Variants in FAXC observed in about 807,000 individuals in gnomAD.
The protein encoded by FAXC is failed axon connections homolog.
A neutral mutation model predicts 41.9 loss-of-function variants in FAXC; 10 were observed. That is an observed-to-expected ratio of 0.24 (90% CI 0.15 to 0.41). The LOEUF (loss-of-function observed/expected upper bound fraction) is 0.41. Ranked by LOEUF, FAXC falls within the 10% of genes least tolerant of loss-of-function variation. The pLI is 1.00. For synonymous variants in FAXC, 183 were observed against 183.8 expected (o/e 1.00, Z 0.03); for missense variants, 399 against 510.9 (o/e 0.78, Z 2.11).
intron 4 of FAXC, among the ~76,000 whole-genome samples, chr6:99,298,267 C>T (rs906002504): frequency 2.0e-5 from 3 of 150,066 alleles, no homozygotes; most frequent in African/African-American, 7.4e-5. Context: ...GATGAGACCT[C>T]GTTATGTTCC....
At chr6:99,305,324 T>C (rs1016134194) in intron 4 of FAXC, among the ~76,000 whole-genome samples, 2 of 152,092 alleles carry the variant, frequency 1.3e-5, no homozygotes, top group Admixed American at 1.3e-4. Context: ...AGAAAGGAAG[T>C]ACCTAGAGAT....
chr6:99,304,430 T>C (rs889277177), intron 4 of FAXC, among the ~76,000 whole-genome samples: 29 of 152,154 alleles, frequency 1.9e-4, no homozygotes, highest in African/African-American at 5.6e-4. Flanking sequence ...AGAACTTGAG[T>C]GTTTCCTTTT....
Position 99,273,002 on chromosome 6 carries a change from G to T in FAXC, c.*8162C>A, listed in dbSNP as rs1404927181. On this transcript the variant is annotated 3_prime_UTR_variant, in exon 6 of 6. Transcript: ENST00000389677. ...TACAGAATTTCCACATTTATATACA[G>T]TAGTCAACATAGTGCACAATTCAAA... 6.6e-6 allele frequency: 1 copy of T among 152,176 alleles called. No homozygotes were observed. The highest frequency in any genetic ancestry group is 2.4e-5 in the African/African-American group (1 of 41,444). The allele number at this position is 152,176 out of a possible 1,614,324, so 9.4% of individuals were successfully genotyped here. A position where few individuals can be genotyped will look rare whatever the true frequency, so the allele number is the denominator to read the frequency against.
At chr6:99,349,970 C>G (rs1218215816), upstream of FAXC, 2 of 152,246 alleles carry the variant, frequency 1.3e-5, no homozygotes, top group African/African-American at 4.8e-5. Context: ...CGCCTGCGCT[C>G]CAGCCCCTCC....
At chr6:99,302,600 G>A (rs1184447698) in intron 4 of FAXC, among the ~76,000 whole-genome samples, 2 of 152,076 alleles carry the variant, frequency 1.3e-5, no homozygotes, top group Non-Finnish European at 1.5e-5. Context: ...AAGTTGCAGT[G>A]AGCCAAGATC....
chr6:99,324,914 G>T (rs1230824602), intron 3 of FAXC, among the ~76,000 whole-genome samples: 1 of 152,094 alleles, frequency 6.6e-6, no homozygotes, highest in Non-Finnish European at 1.5e-5. Context: ...AGGTGTGGTG[G>T]TACATGCCTG....
At chr6:99,329,494 T>C (rs910059228) in intron 3 of FAXC, among the ~76,000 whole-genome samples, 3 of 152,184 alleles carry the variant, frequency 2.0e-5, no homozygotes, top group Admixed American at 2.0e-4. Context: ...GAGAATGCCT[T>C]TCTCTGCATA....
At chr6:99,304,714 T>C (rs980965537) in intron 4 of FAXC, among the ~76,000 whole-genome samples, 6 of 152,212 alleles carry the variant, frequency 3.9e-5, no homozygotes, top group African/African-American at 9.7e-5. Flanking sequence ...CTAGGCCTTC[T>C]GTTAGAGACC....
At chr6:99,324,702 T>G (rs568568635) in intron 3 of FAXC, among the ~76,000 whole-genome samples, 1 of 152,338 alleles carries the variant, frequency 6.6e-6, no homozygotes, top group East Asian at 1.9e-4. Flanking sequence ...AAGAATTTTT[T>G]TTATGGCTAA....
At chr6:99,283,867 C>T (rs1418381001) in intron 5 of FAXC, among the ~76,000 whole-genome samples, 2 of 152,294 alleles carry the variant, frequency 1.3e-5, no homozygotes, top group South Asian at 4.2e-4. Flanking sequence ...TCCTTACTAG[C>T]TTTTCCTACA....
intron 3 of FAXC, among the ~76,000 whole-genome samples, chr6:99,333,001 T>C (rs1480482748): frequency 6.6e-6 from 1 of 152,160 alleles, no homozygotes; most frequent in African/African-American, 2.4e-5. Flanking sequence ...AATTCAAGTT[T>C]CAGTACCCAT....
At chr6:99,296,394 C>A (rs1159027902) in intron 4 of FAXC, among the ~76,000 whole-genome samples, 1 of 152,126 alleles carries the variant, frequency 6.6e-6, no homozygotes, top group Non-Finnish European at 1.5e-5. Flanking sequence ...CATCCGGTGA[C>A]TTCCATAGGA....
At chr6:99,299,602 A>G (rs1771626204) in intron 4 of FAXC, among the ~76,000 whole-genome samples, 1 of 152,212 alleles carries the variant, frequency 6.6e-6, no homozygotes, top group Admixed American at 6.5e-5. Context: ...ATTAAGAAAC[A>G]AAGATTTTGA....
chr6:99,325,636 C>G (rs912603361), intron 3 of FAXC, among the ~76,000 whole-genome samples: 4 of 152,174 alleles, frequency 2.6e-5, no homozygotes, highest in Admixed American at 6.5e-5. Flanking sequence ...CTACTTGCTC[C>G]TTTTTTCACA....
In FAXC at chr6:99,323,658, A is replaced by G; in HGVS notation, c.609T>C (p.Ala203=). The change falls in exon 4 of 6, where the codon GCT becomes GCC. Residue 203 remains alanine, a synonymous_variant. Coordinates refer to ENST00000389677, the MANE Select transcript of FAXC (RefSeq NM_032511.4). Reference sequence around the variant, plus strand: ...TGAGATTGTCCACCCACTGGCAATAAGCTAATGTCCTGGAATTGTGTGGAA... The same window carrying G: ...TGAGATTGTCCACCCACTGGCAATAGGCTAATGTCCTGGAATTGTGTGGAA... ...MVEEHFYWTL[A]YCQWVDNLNE... 6.2e-7 allele frequency: 1 copy of G among 1,613,962 alleles called. No individual in the cohort carries two copies. The highest frequency in any genetic ancestry group is 8.5e-7 in the Non-Finnish European group (1 of 1,179,814).
At chr6:99,333,242 G>A (rs117574462) in intron 3 of FAXC, 109 bp downstream of exon 3, 20,348 of 955,786 alleles carry the variant, frequency 0.021, 293 homozygotes, top group Non-Finnish European at 0.025. Context: ...CACTTCATCC[G>A]AAACTGTTAA....
chr6:99,321,228 T>A (rs1020858025), intron 4 of FAXC, among the ~76,000 whole-genome samples: 1 of 152,172 alleles, frequency 6.6e-6, no homozygotes, highest in Non-Finnish European at 1.5e-5. Flanking sequence ...TCACTGAAGT[T>A]GATTGACCAG....
intron 4 of FAXC, among the ~76,000 whole-genome samples, chr6:99,304,251 A>G (rs959034049): frequency 2.6e-5 from 4 of 152,086 alleles, no homozygotes; most frequent in African/African-American, 7.2e-5. Flanking sequence ...GCACCATTGC[A>G]CTCCAGCCTG....
At chr6:99,294,627 G>C (rs932390076) in intron 4 of FAXC, among the ~76,000 whole-genome samples, 9 of 152,306 alleles carry the variant, frequency 5.9e-5, no homozygotes, top group Non-Finnish European at 1.3e-4. Flanking sequence ...CAAAAAAAGA[G>C]GGGGAGGGGG....
Sources: allele counts gnomAD v4.1 joint callset (sites outside exome capture counted in the v4.1 genomes callset), GRCh38; gene constraint gnomAD v4.1.1; transcripts MANE v1.5; gene names NCBI Gene and HGNC (gene_info 2026-07-23, HGNC 2026-07-21).